The following TRAF3 variants were observed in gnomAD, a reference collection of about 807,000 sequenced individuals.
The protein encoded by TRAF3 is TNF receptor associated factor 3, also known as TNF receptor-associated factor 3.
In TRAF3, 13 loss-of-function variants were observed where a neutral mutation model predicts 62.3. That is an observed-to-expected ratio of 0.21 (90% CI 0.14 to 0.33). The LOEUF is 0.33. TRAF3 is among the 10% of genes least tolerant of loss of function. TRAF3 has a pLI of 1.00. For synonymous variants in TRAF3, 269 were observed against 283.4 expected (o/e 0.95, Z 0.51); for missense variants, 440 against 741.8 (o/e 0.59, Z 4.73).
In TRAF3 at chr14:102,779,269, C is replaced by CTTTTT. The variant is rs61309052; in HGVS notation, c.-157+1619_-157+1623dup. Among the ~76,000 whole-genome samples, 734 of 123,150 alleles carry CTTTTT rather than the reference C, an allele frequency of 6.0e-3. 52 individuals carry two copies. Among genetic ancestry groups the CTTTTT allele is most frequent in the African/African-American group, 8.2e-3 (234 of 28,464 alleles). 80.8% of individuals were successfully genotyped at this position (123,150 alleles called of 152,430 possible). A position where few individuals can be genotyped will look rare whatever the true frequency, so the allele number is the denominator to read the frequency against. On this transcript the variant is annotated intron_variant, in intron 1 of 11. Transcript: ENST00000392745. ...GAGAGCTGGCCAGGGAGAATTCCAGCTTTTTTTTTTTTTTTTTTTTTTTTT... is the reference window on the plus strand; with the variant it reads ...GAGAGCTGGCCAGGGAGAATTCCAGCTTTTTTTTTTTTTTTTTTTTTTTTTTTTTT...
intron 2 of TRAF3, among the ~76,000 whole-genome samples, chr14:102,849,542 T>C (rs1312903181): frequency 1.3e-5 from 2 of 152,262 alleles, no homozygotes; most frequent in Non-Finnish European, 2.9e-5. Flanking sequence ...TCAAAGGCTT[T>C]AAGACCATGT....
intron 1 of TRAF3, among the ~76,000 whole-genome samples, chr14:102,824,826 G>A (rs1193407627): frequency 6.6e-6 from 1 of 152,208 alleles, no homozygotes; most frequent in Non-Finnish European, 1.5e-5. Flanking sequence ...ATATATCTAA[G>A]CTGAATTAAG....
chr14:102,859,688 A>T (rs1315972027), intron 2 of TRAF3, among the ~76,000 whole-genome samples: 2 of 152,238 alleles, frequency 1.3e-5, no homozygotes, highest in African/African-American at 4.8e-5. Context: ...TTTCTGACAA[A>T]ATATTTGATT....
chr14:102,891,911 GTGTTT>G (rs1889739284), intron 9 of TRAF3, among the ~76,000 whole-genome samples: 1 of 151,990 alleles, frequency 6.6e-6, no homozygotes, highest in Non-Finnish European at 1.5e-5. Flanking sequence ...TTAAACTTCT[GTGTTT>G]TTTACAAGAG....
intron 1 of TRAF3, among the ~76,000 whole-genome samples, chr14:102,788,365 C>G (rs1897610593): frequency 6.6e-6 from 1 of 152,152 alleles, no homozygotes. Flanking sequence ...CCAGCTCTCT[C>G]TAGTTTAAAA....
intron 1 of TRAF3, among the ~76,000 whole-genome samples, chr14:102,787,836 A>G (rs547692057): frequency 5.1e-4 from 77 of 151,438 alleles, no homozygotes; most frequent in African/African-American, 1.4e-3. Context: ...CATAGCAGAA[A>G]ATGGTTTTCC....
chr14:102,851,537 G>A (rs1321062530), intron 2 of TRAF3, among the ~76,000 whole-genome samples: 1 of 152,206 alleles, frequency 6.6e-6, no homozygotes, highest in East Asian at 1.9e-4. Context: ...GAGGTCAGGA[G>A]ATTGAGACCA....
At chr14:102,819,157 C>T (rs1211441350) in intron 1 of TRAF3, among the ~76,000 whole-genome samples, 2 of 152,124 alleles carry the variant, frequency 1.3e-5, no homozygotes, top group African/African-American at 2.4e-5. Context: ...AAGACCCCCT[C>T]CCCTGCCACT....
chr14:102,790,028 A>G (rs540513169), intron 1 of TRAF3, among the ~76,000 whole-genome samples: 1 of 152,002 alleles, frequency 6.6e-6, no homozygotes, highest in Admixed American at 6.6e-5. Context: ...GGGTTTTGCC[A>G]TGTTGCACAG....
chr14:102,863,294 T>G (rs1052890389), intron 2 of TRAF3, among the ~76,000 whole-genome samples: 1 of 152,256 alleles, frequency 6.6e-6, no homozygotes, highest in Non-Finnish European at 1.5e-5. Context: ...AGTCATTGTT[T>G]GTATAGTTAC....
At chr14:102,847,528 T>C (rs1886796002) in intron 2 of TRAF3, among the ~76,000 whole-genome samples, 1 of 152,160 alleles carries the variant, frequency 6.6e-6, no homozygotes, top group Admixed American at 6.5e-5. Context: ...ATTGACCAAC[T>C]ATTATTATTT....
intron 1 of TRAF3, among the ~76,000 whole-genome samples, chr14:102,791,620 C>G (rs1243375082): frequency 6.6e-6 from 1 of 152,112 alleles, no homozygotes; most frequent in African/African-American, 2.4e-5. Flanking sequence ...AATCATGTCA[C>G]CTGCATATAT....
chr14:102,902,200 G>A (rs559058325), intron 10 of TRAF3, among the ~76,000 whole-genome samples: 1 of 152,240 alleles, frequency 6.6e-6, no homozygotes, highest in East Asian at 1.9e-4. Context: ...TCGTGTGTTC[G>A]TGGCAGGGTT....
At chr14:102,877,633 T>C (rs907999816) in intron 6 of TRAF3, among the ~76,000 whole-genome samples, 3 of 145,490 alleles carry the variant, frequency 2.1e-5, no homozygotes, top group Non-Finnish European at 4.5e-5. Context: ...TCCGCTCAGC[T>C]CATAGATAAT....
chr14:102,818,042 C>T (rs900476239), intron 1 of TRAF3, among the ~76,000 whole-genome samples: 4 of 152,090 alleles, frequency 2.6e-5, no homozygotes, highest in East Asian at 1.9e-4. Context: ...ATGGCGAGCT[C>T]GAGATTCCCA....
intron 1 of TRAF3, among the ~76,000 whole-genome samples, chr14:102,821,317 G>A (rs750948995): frequency 2.6e-5 from 4 of 152,160 alleles, no homozygotes; most frequent in Admixed American, 6.5e-5. Flanking sequence ...AGATATTAAA[G>A]TTTTCAGAAA....
intron 1 of TRAF3, among the ~76,000 whole-genome samples, chr14:102,793,520 G>A (rs1292288995): frequency 6.6e-6 from 1 of 152,192 alleles, no homozygotes; most frequent in East Asian, 1.9e-4. Context: ...TCCTAATTGA[G>A]AAAATTCTAA....
At chr14:102,876,083 T>C (rs1888632563) in intron 5 of TRAF3, among the ~76,000 whole-genome samples, 1 of 152,244 alleles carries the variant, frequency 6.6e-6, no homozygotes, top group Non-Finnish European at 1.5e-5. Context: ...GAAAATTATT[T>C]GAACTGGAAT....
chr14:102,880,306 C>G (rs912288943), intron 6 of TRAF3, among the ~76,000 whole-genome samples: 1 of 152,192 alleles, frequency 6.6e-6, no homozygotes, highest in African/African-American at 2.4e-5. Flanking sequence ...AAGTGAGACC[C>G]CATCTCTAGA....
Sources: allele counts gnomAD v4.1 joint callset (sites outside exome capture counted in the v4.1 genomes callset), GRCh38; gene constraint gnomAD v4.1.1; transcripts MANE v1.5; gene names NCBI Gene and HGNC (gene_info 2026-07-23, HGNC 2026-07-21).